APBB2: variants seen among roughly 807,000 people sequenced by gnomAD.
APBB2 encodes Fe65-like 1.
A neutral mutation model predicts 82.5 loss-of-function variants in APBB2; 38 were observed. The ratio of observed to expected loss-of-function variants is 0.46; its 90% CI spans 0.36 to 0.60. APBB2 has a LOEUF of 0.60. Ranked by LOEUF, APBB2 falls within the 20% of genes least tolerant of loss-of-function variation. The pLI is 0.00. For synonymous variants in APBB2, 341 were observed against 368.2 expected (o/e 0.93, Z 0.85); for missense variants, 772 against 972.3 (o/e 0.79, Z 2.74).
rs776855325 is a variant in APBB2, at chr4:40,945,083, T to A, written c.836-10A>T. On this transcript the variant is annotated splice_polypyrimidine_tract_variant and intron_variant, in intron 6 of 17. Transcript: ENST00000508593. Reference sequence around the variant, plus strand: ...TCACTCCATATATCTGCTGAAAAATTGGGGGGCGGGGCGGGGGGAGAAAGA... The same window carrying A: ...TCACTCCATATATCTGCTGAAAAATAGGGGGGCGGGGCGGGGGGAGAAAGA... The A allele has an allele frequency of 3.0e-6, 2 of 668,282 alleles. No individual in the cohort carries two copies. Among genetic ancestry groups the A allele is most frequent in the Admixed American group, 3.5e-5 (1 of 28,822 alleles). 41.4% of individuals were successfully genotyped at this position (668,282 alleles called of 1,614,324 possible). A position where few individuals can be genotyped will look rare whatever the true frequency, so the allele number is the denominator to read the frequency against.
At chr4:40,817,158 A>ATT (rs1746015326) in intron 17 of APBB2, among the ~76,000 whole-genome samples, 6 of 152,130 alleles carry the variant, frequency 3.9e-5, no homozygotes, top group Admixed American at 2.0e-4. Flanking sequence ...CTGTAATCCT[A>ATT]GCACTTTGGG....
rs188012943 is a variant in APBB2, at chr4:40,823,951, T to C, written c.1817-192A>G. On this transcript the variant is annotated intron_variant, in intron 15 of 17. Coordinates refer to ENST00000508593, the MANE Select transcript of APBB2 (RefSeq NM_004307.2). ...GGCGTAGTGGCTCACGCCTGTAATCTCAGCACTTTGGGAGGCTGAGCCAGG... is the reference window on the plus strand; with the variant it reads ...GGCGTAGTGGCTCACGCCTGTAATCCCAGCACTTTGGGAGGCTGAGCCAGG... Among the ~76,000 whole-genome samples the C allele has an allele frequency of 3.9e-3, 593 of 152,134 alleles. 7 individuals carry two copies. The highest frequency in any genetic ancestry group is 0.013 in the African/African-American group (538 of 41,494).
intron 2 of APBB2, among the ~76,000 whole-genome samples, chr4:41,112,657 C>T (rs1749600388): frequency 6.6e-6 from 1 of 152,102 alleles, no homozygotes; most frequent in South Asian, 2.1e-4. Context: ...TACAATGAAG[C>T]CAAAAATCAC....
chr4:41,173,943 GAGA>G (rs33927410), intron 1 of APBB2, among the ~76,000 whole-genome samples: 7,245 of 152,236 alleles, frequency 0.048, 359 homozygotes, highest in African/African-American at 0.14. Context: ...GTTAAAGATG[GAGA>G]AGAACATGAT....
chr4:40,921,060 A>G (rs955195838), intron 10 of APBB2, among the ~76,000 whole-genome samples: 2 of 152,148 alleles, frequency 1.3e-5, no homozygotes, highest in Non-Finnish European at 2.9e-5. Context: ...AACTCAAAAT[A>G]AGAGACCCTC....
chr4:40,912,985 T>C (rs1778940713), intron 10 of APBB2, among the ~76,000 whole-genome samples: 2 of 152,230 alleles, frequency 1.3e-5, no homozygotes, highest in Non-Finnish European at 2.9e-5. Flanking sequence ...ATGGCTGATT[T>C]ACACTACAGA....
At chr4:41,154,012 G>C (rs747277300) in intron 1 of APBB2, among the ~76,000 whole-genome samples, 1 of 151,946 alleles carries the variant, frequency 6.6e-6, no homozygotes, top group Non-Finnish European at 1.5e-5. Flanking sequence ...TCTAAATAGA[G>C]GTCCATAAAT....
At chr4:41,100,088 T>C (rs548252553) in intron 3 of APBB2, among the ~76,000 whole-genome samples, 69 of 152,314 alleles carry the variant, frequency 4.5e-4, no homozygotes, top group Non-Finnish European at 8.1e-4. Flanking sequence ...GAATGTCTTA[T>C]AGTGCCCTCA....
chr4:40,854,174 G>T (rs1230754941), intron 12 of APBB2, among the ~76,000 whole-genome samples: 1 of 152,158 alleles, frequency 6.6e-6, no homozygotes, highest in Admixed American at 6.5e-5. Context: ...CATCAACTGG[G>T]TTATTTATGG....
chr4:41,161,544 A>G (rs1765170324), intron 1 of APBB2, among the ~76,000 whole-genome samples: 1 of 152,186 alleles, frequency 6.6e-6, no homozygotes, highest in African/African-American at 2.4e-5. Context: ...AATTGGAGGC[A>G]GCTGTGAGCT....
chr4:40,886,002 T>C (rs1770119945), intron 12 of APBB2, among the ~76,000 whole-genome samples: 1 of 152,138 alleles, frequency 6.6e-6, no homozygotes, highest in South Asian at 2.1e-4. Context: ...AACATCCCAT[T>C]TACGGGGTCT....
intron 3 of APBB2, among the ~76,000 whole-genome samples, chr4:41,087,787 C>T (rs770903181): frequency 3.3e-5 from 5 of 152,108 alleles, no homozygotes; most frequent in Non-Finnish European, 7.4e-5. Flanking sequence ...TACAGTGGGA[C>T]ATTTTACATA....
At chr4:41,069,633 C>G (rs1008119391) in intron 3 of APBB2, among the ~76,000 whole-genome samples, 2 of 152,230 alleles carry the variant, frequency 1.3e-5, no homozygotes, top group African/African-American at 4.8e-5. Flanking sequence ...CTGGAACACT[C>G]ATCTCTGTAT....
chr4:41,073,349 T>G (rs2153905456), intron 3 of APBB2, among the ~76,000 whole-genome samples: 1 of 152,364 alleles, frequency 6.6e-6, no homozygotes, highest in Non-Finnish European at 1.5e-5. Context: ...TCTCCCATTT[T>G]TCTTTATAGC....
chr4:41,136,630 C>T (rs1353722636), intron 2 of APBB2, among the ~76,000 whole-genome samples: 3 of 152,124 alleles, frequency 2.0e-5, no homozygotes, highest in Non-Finnish European at 4.4e-5. Context: ...CTGAGCCCTC[C>T]AGGAACCAGG....
chr4:40,832,344 A>G lies in APBB2; in HGVS notation c.1530-1767T>C, dbSNP rs1251497956. Among the ~76,000 whole-genome samples the G allele has an allele frequency of 3.3e-5, 5 of 152,120 alleles. No individual in the cohort carries two copies. The highest frequency in any genetic ancestry group is 5.9e-5 in the Non-Finnish European group (4 of 68,012). ...CTCGCCATGCCCCAGGCAGCCCTGCAGTGGGGCTCCCTAAGCCCAGGCTCC... is the reference window on the plus strand; with the variant it reads ...CTCGCCATGCCCCAGGCAGCCCTGCGGTGGGGCTCCCTAAGCCCAGGCTCC... On this transcript the variant is annotated intron_variant, in intron 12 of 17. Transcript: ENST00000508593. This position sits in a 1 kb window ranked among gnomAD's most constrained non-coding sequence, Gnocchi z 4.8.
chr4:41,192,407 G>A (rs1299429442), intron 1 of APBB2, among the ~76,000 whole-genome samples: 1 of 152,120 alleles, frequency 6.6e-6, no homozygotes, highest in Non-Finnish European at 1.5e-5. Context: ...ATCTACAAAG[G>A]AACAGATAAA....
At chr4:41,163,696 AT>A (rs1765758240) in intron 1 of APBB2, among the ~76,000 whole-genome samples, 1 of 152,202 alleles carries the variant, frequency 6.6e-6, no homozygotes, top group South Asian at 2.1e-4. Flanking sequence ...CACTGGACCA[AT>A]CCACTTTCTT....
intron 2 of APBB2, among the ~76,000 whole-genome samples, chr4:41,125,033 CT>C (rs1753975007): frequency 6.6e-6 from 1 of 152,194 alleles, no homozygotes; most frequent in African/African-American, 2.4e-5. Context: ...GTTGCCTACA[CT>C]TTCCTTTTAA....
Sources: allele counts gnomAD v4.1 joint callset (sites outside exome capture counted in the v4.1 genomes callset), GRCh38; gene constraint gnomAD v4.1.1; non-coding constraint Gnocchi (gnomAD v3.1); transcripts MANE v1.5; gene names NCBI Gene and HGNC (gene_info 2026-07-23, HGNC 2026-07-21).